The following USP12 variants were observed in gnomAD, a reference collection of about 807,000 sequenced individuals.
USP12 encodes ubiquitin carboxyl-terminal hydrolase 12.
USP12 carries 19 observed loss-of-function variants against 45.5 expected under a neutral mutation model. That is an observed-to-expected ratio of 0.42 (90% CI 0.29 to 0.61). The LOEUF is 0.61. Ranked by LOEUF, USP12 falls within the 20% of genes least tolerant of loss-of-function variation. The probability of loss-of-function intolerance (pLI) is 0.22; values close to 1 mark genes in which losing one functional copy is unlikely to be tolerated. For synonymous variants in USP12, 149 were observed against 148.8 expected, an observed-to-expected ratio of 1.00 and a Z score of -0.01; for missense variants, 242 against 447.7, an observed-to-expected ratio of 0.54 and a Z score of 4.15.
chr13:27,107,975 T>C (rs1357877709), intron 2 of USP12, among the ~76,000 whole-genome samples: 11 of 152,098 alleles, frequency 7.2e-5, no homozygotes, highest in Admixed American at 3.9e-4. Context: ...GTCAGTGTGG[T>C]GATTCCTCAG....
intron 2 of USP12, among the ~76,000 whole-genome samples, chr13:27,106,235 T>C (rs1174223611): frequency 6.6e-6 from 1 of 152,052 alleles, no homozygotes; most frequent in African/African-American, 2.4e-5. Context: ...GTCACCAGTA[T>C]GACAGTCTAG....
intron 1 of USP12, among the ~76,000 whole-genome samples, chr13:27,123,103 A>G (rs201544494): frequency 6.6e-6 from 1 of 152,256 alleles, no homozygotes; most frequent in African/African-American, 2.4e-5. Flanking sequence ...AAAAAAAAAA[A>G]AAATATTTTA....
chr13:27,141,398 G>C (rs1404943919), intron 1 of USP12, among the ~76,000 whole-genome samples: 2 of 152,144 alleles, frequency 1.3e-5, no homozygotes, highest in African/African-American at 2.4e-5. Context: ...CTGTAGTAAT[G>C]AGCACACATA....
At chr13:27,141,066 AGC>A (rs1286909620) in intron 1 of USP12, among the ~76,000 whole-genome samples, 1 of 129,716 alleles carries the variant, frequency 7.7e-6, no homozygotes, top group African/African-American at 3.0e-5. Context: ...ACCAGGCTGG[AGC>A]GCAGTGGCAC....
chr13:27,081,668 A>G (rs1015181857), intron 6 of USP12, among the ~76,000 whole-genome samples: 1 of 152,244 alleles, frequency 6.6e-6, no homozygotes, highest in African/African-American at 2.4e-5. Flanking sequence ...CAGATCCATC[A>G]GAGGAATCTC....
intron 4 of USP12, among the ~76,000 whole-genome samples, chr13:27,092,639 G>A (rs1320413308): frequency 6.6e-6 from 1 of 152,168 alleles, no homozygotes; most frequent in Non-Finnish European, 1.5e-5. Flanking sequence ...TTAAACAAAT[G>A]ATGCTGGAGC....
At chr13:27,091,724 G>A (rs978971850) in intron 4 of USP12, among the ~76,000 whole-genome samples, 5 of 152,164 alleles carry the variant, frequency 3.3e-5, no homozygotes, top group African/African-American at 1.2e-4. Context: ...AACCGACAAT[G>A]AAACCCTGGG....
rs765652753 is a variant in USP12 at position 27,117,805 on chromosome 13, G to C, written c.49-1209C>G. 3 of 518,122 alleles carry C rather than the reference G, an allele frequency of 5.8e-6. No homozygotes were observed. In the Admixed American group the frequency reaches 5.8e-5, roughly 10 times the overall value. The allele number at this position is 518,122 out of a possible 1,614,324, so 32.1% of individuals were successfully genotyped here. A position where few individuals can be genotyped will look rare whatever the true frequency, so the allele number is the denominator to read the frequency against. On this transcript the variant is annotated intron_variant, in intron 1 of 8. Coordinates refer to ENST00000282344, the MANE Select transcript of USP12 (RefSeq NM_182488.4). ...TAGCGTGTCACAGTTTCAAGAACGTGATCAACTCAATTCTGTGCACCTGTG... is the reference window on the plus strand; with the variant it reads ...TAGCGTGTCACAGTTTCAAGAACGTCATCAACTCAATTCTGTGCACCTGTG...
chr13:27,123,069 A>T (rs1398590547), intron 1 of USP12, among the ~76,000 whole-genome samples: 1 of 148,552 alleles, frequency 6.7e-6, no homozygotes, highest in Non-Finnish European at 1.5e-5. Context: ...TCCAGCCTGG[A>T]TGACAGAGTG....
intron 1 of USP12, among the ~76,000 whole-genome samples, chr13:27,120,789 A>G (rs1875947919): frequency 6.6e-6 from 1 of 152,212 alleles, no homozygotes; most frequent in South Asian, 2.1e-4. Flanking sequence ...TTACTATAGA[A>G]TTCATCATGA....
intron 6 of USP12, among the ~76,000 whole-genome samples, chr13:27,076,085 A>G (rs1466358469): frequency 6.6e-6 from 1 of 151,914 alleles, no homozygotes; most frequent in Non-Finnish European, 1.5e-5. Flanking sequence ...GAAACTGACA[A>G]TTCCTTTGGA....
chr13:27,095,740 T>G lies in USP12; in HGVS notation c.434A>C (p.Lys145Thr). The change falls in exon 4 of 9, where the codon AAG (lysine) becomes ACG (threonine). Residue 145 changes from lysine (K) to threonine (T), a missense_variant. By Grantham distance (78) the Lys-to-Thr change is moderately conservative (BLOSUM62 -1). Transcript: ENST00000282344. The part of the protein sequence containing the change: ...TIADILQEER[K>T]QEKQNGRLPN... ...TAAACGACCATTTTGTTTTTCCTGC[T>G]TTCTCTCTTCTTGTAAAATATCAGC... is the stretch of plus-strand genomic sequence containing the variant. 6.2e-7 allele frequency: 1 copy of G among 1,613,230 alleles called. No individual in the cohort carries two copies. The highest frequency in any genetic ancestry group is 1.3e-5 in the African/African-American group (1 of 75,048).
At chr13:27,117,640 C>A in intron 1 of USP12, 1 of 373,186 alleles carries the variant, frequency 2.7e-6, no homozygotes, top group East Asian at 6.7e-5. Flanking sequence ...TAATAGCACA[C>A]GGAAAGCAGA....
intron 1 of USP12, among the ~76,000 whole-genome samples, chr13:27,118,031 G>A (rs1362590871): frequency 6.7e-6 from 1 of 148,374 alleles, no homozygotes; most frequent in African/African-American, 2.5e-5. Context: ...ATAACTGCCG[G>A]GACATTGCTC....
intron 6 of USP12, among the ~76,000 whole-genome samples, chr13:27,084,224 C>T (rs9553959): frequency 0.96 from 145,172 of 151,004 alleles, 70,011 homozygotes; most frequent in East Asian, 1. Flanking sequence ...ACACAAATTC[C>T]TGTCTGGGTG....
At chr13:27,164,090 A>T in intron 1 of USP12, among the ~76,000 whole-genome samples, 1 of 48,872 alleles carries the variant, frequency 2.0e-5, no homozygotes, top group African/African-American at 4.5e-5. Flanking sequence ...TACAAAAAGG[A>T]AAAAAAAAAA....
chr13:27,166,153 G>C (rs998921681), intron 1 of USP12, among the ~76,000 whole-genome samples: 1 of 151,938 alleles, frequency 6.6e-6, no homozygotes, highest in African/African-American at 2.4e-5. Context: ...GTCAAAATCT[G>C]GACTAGAATT....
intron 3 of USP12, among the ~76,000 whole-genome samples, chr13:27,098,676 C>T (rs1027851523): frequency 6.6e-6 from 1 of 152,166 alleles, no homozygotes; most frequent in African/African-American, 2.4e-5. Context: ...CAACCTAGTT[C>T]TCCCAGGTAT....
At chr13:27,143,106 A>AG (rs1877144089) in intron 1 of USP12, among the ~76,000 whole-genome samples, 1 of 151,664 alleles carries the variant, frequency 6.6e-6, no homozygotes, top group African/African-American at 2.4e-5. Context: ...AAAGAAAAAA[A>AG]AAAAAAGAGT....
Sources: allele counts gnomAD v4.1 joint callset (sites outside exome capture counted in the v4.1 genomes callset), GRCh38; gene constraint gnomAD v4.1.1; transcripts MANE v1.5; gene names NCBI Gene and HGNC (gene_info 2026-07-23, HGNC 2026-07-21).